The following CAMK2G variants were observed in gnomAD, a reference collection of about 807,000 sequenced individuals.
CAMK2G encodes the protein calcium/calmodulin dependent protein kinase II gamma.
CAMK2G carries 23 observed loss-of-function variants against 88.7 expected under a neutral mutation model. The observed-to-expected ratio is 0.26, with a 90% CI of 0.19 to 0.37. The LOEUF is 0.37. Ranked by LOEUF, CAMK2G falls within the 10% of genes least tolerant of loss-of-function variation. The probability of loss-of-function intolerance (pLI) is 1.00; values close to 1 mark genes in which losing one functional copy is unlikely to be tolerated. For synonymous variants in CAMK2G, 263 were observed against 294.8 expected (o/e 0.89, Z 1.11); for missense variants, 476 against 780.8 (o/e 0.61, Z 4.65).
intron 15 of CAMK2G, among the ~76,000 whole-genome samples, chr10:73,825,821 CAA>C (rs1375713386): frequency 6.6e-6 from 1 of 152,182 alleles, no homozygotes; most frequent in African/African-American, 2.4e-5. Flanking sequence ...AAGCCTGAAA[CAA>C]AGAGGAAGGA....
At position 73,842,601 on chromosome 10, in the gene CAMK2G, C is replaced by G. The variant is rs2093887452; in HGVS notation, c.820-60G>C. 1.8e-5 allele frequency: 22 copies of G among 1,214,058 alleles called. 1 individual carries two copies. In the Middle Eastern group the frequency reaches 5.7e-4, roughly 31 times the overall value. 75.2% of individuals were successfully genotyped at this position (1,214,058 alleles called of 1,614,324 possible). On this transcript the variant is annotated intron_variant, in intron 10 of 22. Transcript: ENST00000423381. The surrounding 1 kb of genome is among the most constrained non-coding windows in gnomAD (Gnocchi z 4.6). ...CCAGATCCTCTGCGCCTCCCACAGT[C>G]CTGGCACCGATACCATGCCCAGGAC...
chr10:73,853,255 G>T lies in CAMK2G; in HGVS notation c.221-9C>A, dbSNP rs2094773943. On this transcript the variant is annotated splice_polypyrimidine_tract_variant and intron_variant, in intron 3 of 22. Transcript: ENST00000423381. ...ACTGTCATGGAGGCGCACTGCAAGAGAGGAGATGGGGACAGAGATTAACAG... is the reference window on the plus strand; with the variant it reads ...ACTGTCATGGAGGCGCACTGCAAGATAGGAGATGGGGACAGAGATTAACAG... 6.2e-7 allele frequency: 1 copy of T among 1,612,862 alleles called. No individual in the cohort carries two copies. The highest frequency in any genetic ancestry group is 1.1e-5 in the South Asian group (1 of 91,066).
At chr10:73,834,455 G>A (rs761233529) in intron 14 of CAMK2G, among the ~76,000 whole-genome samples, 1 of 152,108 alleles carries the variant, frequency 6.6e-6, no homozygotes, top group Non-Finnish European at 1.5e-5. Context: ...GGTTCCCCAC[G>A]CACGTCCTCA....
chr10:73,869,344 C>A (rs749494158), intron 2 of CAMK2G, among the ~76,000 whole-genome samples: 3 of 152,194 alleles, frequency 2.0e-5, no homozygotes, highest in Non-Finnish European at 4.4e-5. Flanking sequence ...CATTTAGTGA[C>A]AGGGAAGGAG....
intron 1 of CAMK2G, among the ~76,000 whole-genome samples, chr10:73,873,976 G>T (rs1031772150): frequency 1.3e-5 from 2 of 151,452 alleles, no homozygotes; most frequent in Admixed American, 6.6e-5. Flanking sequence ...GCCCCCCCAC[G>T]CCCGGGCTCC....
At position 73,853,341 on chromosome 10, in the gene CAMK2G, G is replaced by A. The variant is rs565338900; in HGVS notation, c.221-95C>T. Reference sequence around the variant, plus strand: ...AGCCCCACCCCTGCCCCATCCTGTCGGGCTCACAGGGCTCTCCAGAAGGAG... The same window carrying A: ...AGCCCCACCCCTGCCCCATCCTGTCAGGCTCACAGGGCTCTCCAGAAGGAG... On this transcript the variant is annotated intron_variant, in intron 3 of 22. Coordinates refer to ENST00000423381, the MANE Select transcript of CAMK2G (RefSeq NM_001367534.1). 5.0e-5 allele frequency: 51 copies of A among 1,027,322 alleles called. 1 individual carries two copies. The highest frequency in any genetic ancestry group is 2.3e-4 in the South Asian group (17 of 73,540). 63.6% of individuals were successfully genotyped at this position (1,027,322 alleles called of 1,614,324 possible).
chr10:73,842,899 G>A lies in CAMK2G; in HGVS notation c.820-358C>T, dbSNP rs548998895. On this transcript the variant is annotated intron_variant, in intron 10 of 22. Transcript: ENST00000423381. The surrounding 1 kb of genome is among the most constrained non-coding windows in gnomAD (Gnocchi z 4.6). ...CAGCTGTTTACTGAGCACCTACTGC[G>A]TTCCAGATGCTCAGCAGCGAGAGAA... Among the ~76,000 whole-genome samples, 22 of 152,164 alleles carry A rather than the reference G, an allele frequency of 1.4e-4. No individual in the cohort carries two copies. The highest frequency in any genetic ancestry group is 3.4e-3 in the Middle Eastern group (1 of 294).
At chr10:73,841,645 T>C (rs1435509333) in intron 12 of CAMK2G, among the ~76,000 whole-genome samples, 17 of 152,234 alleles carry the variant, frequency 1.1e-4, no homozygotes, top group Admixed American at 7.2e-4. Context: ...TTCACTGTTA[T>C]AGCTAGTATC....
At chr10:73,817,888 T>A (rs944959998) in intron 19 of CAMK2G, 13 of 333,526 alleles carry the variant, frequency 3.9e-5, no homozygotes, top group Non-Finnish European at 6.2e-5. Flanking sequence ...TGTGAGCCCC[T>A]CCCCTGTATG....
At chr10:73,862,589 G>A (rs926531940) in intron 2 of CAMK2G, among the ~76,000 whole-genome samples, 9 of 152,090 alleles carry the variant, frequency 5.9e-5, no homozygotes, top group Admixed American at 1.3e-4. Flanking sequence ...TTATATTACC[G>A]AGGAAACAGG....
chr10:73,840,776 G>A (rs2093712241), intron 12 of CAMK2G, among the ~76,000 whole-genome samples: 1 of 152,230 alleles, frequency 6.6e-6, no homozygotes, highest in South Asian at 2.1e-4. Context: ...TCAACTCAGA[G>A]GGGAGAGAGG....
chr10:73,873,355 A>C, intron 1 of CAMK2G: 1 of 1,323,878 alleles, frequency 7.6e-7, no homozygotes, highest in Admixed American at 3.2e-5. Context: ...CAGGCTGCAC[A>C]TCAGGAGCGG....
chr10:73,822,342 A>G (rs1306762684), intron 17 of CAMK2G, among the ~76,000 whole-genome samples: 2 of 151,884 alleles, frequency 1.3e-5, no homozygotes, highest in Non-Finnish European at 2.9e-5. Context: ...TAATTTTTGT[A>G]TTTTTATTAG....
At chr10:73,851,813 T>G (rs1184054337) in intron 5 of CAMK2G, among the ~76,000 whole-genome samples, 1 of 151,900 alleles carries the variant, frequency 6.6e-6, no homozygotes, top group Non-Finnish European at 1.5e-5. Context: ...TGGCATGATC[T>G]TGGCTCACTG....
At chr10:73,870,415 C>A (rs955592628) in intron 2 of CAMK2G, among the ~76,000 whole-genome samples, 2 of 152,198 alleles carry the variant, frequency 1.3e-5, no homozygotes, top group Non-Finnish European at 2.9e-5. Context: ...TGCAACCTAG[C>A]CGCCAATGTG....
At chr10:73,818,667 C>G (rs1184850227) in intron 19 of CAMK2G, 6 of 454,342 alleles carry the variant, frequency 1.3e-5, no homozygotes, top group South Asian at 9.3e-5. Context: ...TAGGCCACAG[C>G]TCCAGGTGAG....
intron 12 of CAMK2G, 195 bp downstream of exon 12, chr10:73,841,974 A>T (rs562010466): frequency 6.4e-5 from 39 of 608,730 alleles, no homozygotes; most frequent in Non-Finnish European, 1.1e-4. Flanking sequence ...CAATTCACAA[A>T]TGTGAGTCCA....
At chr10:73,843,149 C>T (rs772065332) in intron 10 of CAMK2G, among the ~76,000 whole-genome samples, 6 of 151,880 alleles carry the variant, frequency 4.0e-5, no homozygotes, top group African/African-American at 7.3e-5. Flanking sequence ...CTCGGCTCAC[C>T]GTAGCCTCCG....
rs554136704 is a variant in CAMK2G at position 73,849,985 on chromosome 10, A to C, written c.342-652T>G. ...CTGATGATTTTGCGTAGAGAAAAAA[A>C]CCCAAAGTTATTTTATTATTTTATT... On this transcript the variant is annotated intron_variant, in intron 5 of 22. Transcript: ENST00000423381. 9.2e-5 allele frequency among the ~76,000 whole-genome samples: 14 copies of C among 152,232 alleles called. No homozygotes were observed. The South Asian group carries it at 2.7e-3, about 29-fold the overall frequency.
Sources: gnomAD v4.1 joint callset for allele counts (sites outside exome capture counted in the v4.1 genomes callset) on GRCh38, gnomAD v4.1.1 for gene constraint, Gnocchi (gnomAD v3.1) non-coding constraint, MANE v1.5 for transcripts, NCBI Gene and HGNC (gene_info 2026-07-23, HGNC 2026-07-21) for gene names.